Variants in NAV2 observed in about 807,000 individuals in gnomAD.
NAV2 encodes neuron navigator 2, also known as helicase, APC down-regulated 1.
Under a neutral mutation model 223.2 loss-of-function variants are expected in NAV2, and 54 were observed. The ratio of observed to expected loss-of-function variants is 0.24; its 90% CI spans 0.19 to 0.30. The LOEUF is 0.30. Among genes scored for constraint, NAV2 ranks in the 10% least tolerant of loss-of-function variants. The pLI is 1.00. For missense variants in NAV2, 2,806 were observed against 3,147.5 expected, an observed-to-expected ratio of 0.89 and a Z score of 2.60; for synonymous variants, 1,279 against 1,239.3, an observed-to-expected ratio of 1.03 and a Z score of -0.67.
chr11:19,473,055 G>A (rs921753257), intron 1 of NAV2, among the ~76,000 whole-genome samples: 3 of 152,298 alleles, frequency 2.0e-5, no homozygotes, highest in East Asian at 3.9e-4. Flanking sequence ...AATGGATGGA[G>A]CCCAGGTTCC....
chr11:19,765,119 C>T (rs545061615), intron 1 of NAV2, among the ~76,000 whole-genome samples: 1 of 152,292 alleles, frequency 6.6e-6, no homozygotes, highest in East Asian at 1.9e-4. Context: ...AGATTTACAT[C>T]AGGTTGTTCC....
intron 1 of NAV2, among the ~76,000 whole-genome samples, chr11:19,651,993 G>A (rs943700589): frequency 3.9e-5 from 6 of 152,220 alleles, no homozygotes; most frequent in African/African-American, 1.4e-4. Context: ...AGGACGTTGA[G>A]TGACAGCGTA....
intron 12 of NAV2, among the ~76,000 whole-genome samples, chr11:20,042,645 T>C (rs568166227): frequency 6.6e-6 from 1 of 152,298 alleles, no homozygotes; most frequent in South Asian, 2.1e-4. Context: ...ATTCAGCCAT[T>C]GTATTCCATG....
At chr11:19,762,879 T>G (rs991023689) in intron 1 of NAV2, among the ~76,000 whole-genome samples, 2 of 152,162 alleles carry the variant, frequency 1.3e-5, no homozygotes, top group Admixed American at 1.3e-4. Flanking sequence ...CCCAAAGTAC[T>G]AGGATTACAG....
intron 1 of NAV2, among the ~76,000 whole-genome samples, chr11:19,386,698 A>G (rs1849056425): frequency 1.0e-5 from 1 of 99,324 alleles, no homozygotes; most frequent in Non-Finnish European, 2.3e-5. Flanking sequence ...TAGAGAGAAA[A>G]TGTGAGTTGG....
intron 1 of NAV2, among the ~76,000 whole-genome samples, chr11:19,584,786 G>C (rs1215660635): frequency 4.6e-5 from 7 of 152,150 alleles, no homozygotes; most frequent in Non-Finnish European, 7.3e-5. Context: ...GCTGAGGAGT[G>C]CTTTACTTCC....
At chr11:19,551,548 G>A (rs902757205) in intron 1 of NAV2, among the ~76,000 whole-genome samples, 1 of 152,228 alleles carries the variant, frequency 6.6e-6, no homozygotes, top group Admixed American at 6.5e-5. Flanking sequence ...TGTGTGCCCT[G>A]TCAGCTCCCT....
intron 6 of NAV2, among the ~76,000 whole-genome samples, chr11:19,915,879 G>A (rs150269959): frequency 2.0e-5 from 3 of 152,274 alleles, no homozygotes; most frequent in Non-Finnish European, 4.4e-5. Context: ...TTTAATATTT[G>A]TTGGTATAGT....
intron 1 of NAV2, among the ~76,000 whole-genome samples, chr11:19,435,063 G>A (rs909988218): frequency 1.3e-4 from 19 of 151,982 alleles, no homozygotes; most frequent in East Asian, 3.9e-4. Context: ...TAGCATATTC[G>A]TCACCTCAAA....
intron 1 of NAV2, among the ~76,000 whole-genome samples, chr11:19,544,050 A>G (rs2044414867): frequency 6.6e-6 from 1 of 152,238 alleles, no homozygotes; most frequent in Non-Finnish European, 1.5e-5. Flanking sequence ...TTCAAATAAT[A>G]TTATTGAGCA....
Position 19,713,796 on chromosome 11 carries a change from C to A in NAV2, c.101C>A (p.Pro34His), listed in dbSNP as rs1473561112. The change falls in exon 1 of 38, where the codon CCC becomes CAC. Residue 34 changes from proline to histidine, a missense_variant. Physicochemically the swap from Pro to His is moderately conservative, Grantham distance 77 (BLOSUM62 -2). This residue lies in a region of NAV2 where 1,167 missense variants were observed against 1,180.5 expected (regional missense o/e 0.99). Coordinates refer to ENST00000349880, the MANE Select transcript of NAV2 (RefSeq NM_145117.5). The surrounding 1 kb of genome is among the most constrained non-coding windows in gnomAD (Gnocchi z 7.2). ...ILHVPPARAG[P>H]QPCYLKLGSK... The stretch of plus-strand genomic sequence containing the variant: ...CACGTGCCCCCGGCCCGGGCGGGCC[C>A]CCAGCCCTGCTACCTGAAGTTGGGA... 6.2e-7 allele frequency: 1 copy of A among 1,612,984 alleles called. No homozygotes were observed. The highest frequency in any genetic ancestry group is 2.2e-5 in the East Asian group (1 of 44,850).
At chr11:19,968,327 C>T (rs1256157541) in intron 10 of NAV2, among the ~76,000 whole-genome samples, 2 of 152,188 alleles carry the variant, frequency 1.3e-5, no homozygotes, top group Non-Finnish European at 2.9e-5. Flanking sequence ...CCTGATTCTT[C>T]TGCCTCAGCC....
At chr11:19,565,811 G>A (rs542152191) in intron 1 of NAV2, among the ~76,000 whole-genome samples, 8 of 152,202 alleles carry the variant, frequency 5.3e-5, no homozygotes, top group Non-Finnish European at 1.0e-4. Context: ...ACAACACTGT[G>A]CAGACATTTC....
intron 1 of NAV2, among the ~76,000 whole-genome samples, chr11:19,405,315 A>C (rs770233161): frequency 4.6e-5 from 7 of 152,064 alleles, no homozygotes; most frequent in Non-Finnish European, 1.0e-4. Flanking sequence ...TGCCTGCCAG[A>C]TATTGATTGT....
chr11:19,624,542 G>A (rs1220664623), intron 1 of NAV2, among the ~76,000 whole-genome samples: 1 of 152,184 alleles, frequency 6.6e-6, no homozygotes, highest in Non-Finnish European at 1.5e-5. Context: ...GTGGGCATGG[G>A]ACCCTCTGAG....
the NAV2 span, among the ~76,000 whole-genome samples, chr11:19,345,301 T>C: frequency 2.0e-5 from 3 of 152,034 alleles, no homozygotes; most frequent in Non-Finnish European, 4.4e-5. This position sits in a 1 kb window ranked among gnomAD's most constrained non-coding sequence, Gnocchi z 5.2. Flanking sequence ...GCGAAGCCGG[T>C]GTGGGCGCAG....
intron 1 of NAV2, among the ~76,000 whole-genome samples, chr11:19,417,672 A>T (rs533684032): frequency 1.3e-5 from 2 of 152,326 alleles, no homozygotes; most frequent in East Asian, 3.9e-4. Context: ...ACTATTCACA[A>T]TAGCAAAGAC....
At chr11:19,588,314 G>T (rs1261604791) in intron 1 of NAV2, among the ~76,000 whole-genome samples, 1 of 152,176 alleles carries the variant, frequency 6.6e-6, no homozygotes, top group African/African-American at 2.4e-5. Flanking sequence ...AAATTTGGGA[G>T]TATCCAAAAC....
chr11:19,424,362 C>T (rs1013267868), intron 1 of NAV2, among the ~76,000 whole-genome samples: 16 of 152,076 alleles, frequency 1.1e-4, no homozygotes, highest in Non-Finnish European at 2.2e-4. Flanking sequence ...TAAATATTTC[C>T]AGAAGGTTGG....
Sources: gnomAD v4.1 joint callset for allele counts (sites outside exome capture counted in the v4.1 genomes callset) on GRCh38, gnomAD v4.1.1 for gene constraint, gnomAD v4.1.1 regional missense constraint, Gnocchi (gnomAD v3.1) non-coding constraint, MANE v1.5 for transcripts, NCBI Gene and HGNC (gene_info 2026-07-23, HGNC 2026-07-21) for gene names.